The following BMP7 variants were observed in gnomAD, a reference collection of about 807,000 sequenced individuals.
BMP7 encodes osteogenic protein 1.
BMP7 carries 12 observed loss-of-function variants against 41.2 expected under a neutral mutation model. The observed-to-expected ratio is 0.29, with a 90% confidence interval of 0.19 to 0.47. The LOEUF (loss-of-function observed/expected upper bound fraction) is 0.47, where lower values mean the gene tolerates loss of function less well. BMP7 is among the 20% of genes least tolerant of loss of function. The probability of loss-of-function intolerance (pLI) is 0.99; values close to 1 mark genes in which losing one functional copy is unlikely to be tolerated. For synonymous variants in BMP7, 248 were observed against 250.0 expected, an observed-to-expected ratio of 0.99 and a Z score of 0.07; for missense variants, 467 against 606.0, an observed-to-expected ratio of 0.77 and a Z score of 2.41.
At chr20:57,264,040 C>T (rs1335647186) in intron 1 of BMP7, among the ~76,000 whole-genome samples, 1 of 152,194 alleles carries the variant, frequency 6.6e-6, no homozygotes, top group Admixed American at 6.5e-5. Context: ...TAAATCAGGT[C>T]ATATGTTGCT....
intron 1 of BMP7, among the ~76,000 whole-genome samples, chr20:57,245,860 G>A (rs567537487): frequency 1.2e-4 from 18 of 151,276 alleles, no homozygotes; most frequent in Admixed American, 7.2e-4. Flanking sequence ...GGATGGTCTC[G>A]ATCTCCTGAC....
At chr20:57,209,783 A>G (rs1193685670) in intron 2 of BMP7, among the ~76,000 whole-genome samples, 1 of 152,242 alleles carries the variant, frequency 6.6e-6, no homozygotes, top group Non-Finnish European at 1.5e-5. Flanking sequence ...GCAACAATTC[A>G]CTGTGAAGTA....
intron 2 of BMP7, among the ~76,000 whole-genome samples, chr20:57,226,824 C>CTTTTT (rs36113686): frequency 3.2e-5 from 4 of 123,180 alleles, no homozygotes; most frequent in East Asian, 2.3e-4. Context: ...TACTCAAAAA[C>CTTTTT]TTTTTTTTTT....
At chr20:57,247,124 G>C (rs558810940) in intron 1 of BMP7, among the ~76,000 whole-genome samples, 13 of 152,220 alleles carry the variant, frequency 8.5e-5, no homozygotes, top group African/African-American at 2.6e-4. Context: ...CCCCAGCCCA[G>C]GCACAAAGGG....
Position 57,261,503 on chromosome 20 carries a change from C to T in BMP7, c.418+4202G>A, listed in dbSNP as rs570186248. Among the ~76,000 whole-genome samples, 10 of 152,262 alleles carry T rather than the reference C, an allele frequency of 6.6e-5. No homozygotes were observed. Among genetic ancestry groups the T allele is most frequent in the African/African-American group, 2.4e-4 (10 of 41,542 alleles). On this transcript the variant is annotated intron_variant, in intron 1 of 6. Transcript: ENST00000395863. The surrounding 1 kb of genome is among the most constrained non-coding windows in gnomAD (Gnocchi z 4.1). ...AGTTCAAAGCTGGGTCACATACATG[C>T]TTGGGAAAAGTGGAGGAAAATCTTT...
chr20:57,189,252 C>T (rs1020740999), intron 3 of BMP7, among the ~76,000 whole-genome samples: 1 of 152,202 alleles, frequency 6.6e-6, no homozygotes, highest in African/African-American at 2.4e-5. Flanking sequence ...TACCTGATGA[C>T]TGCAAACAGA....
chr20:57,228,289 C>T lies in BMP7; in HGVS notation c.551G>A (p.Arg184His), dbSNP rs973362334. 3.7e-6 allele frequency: 6 copies of T among 1,614,114 alleles called. No homozygotes were observed. The highest frequency in any genetic ancestry group is 2.2e-5 in the East Asian group (1 of 44,882). The change falls in exon 2 of 7, where the codon CGC becomes CAC. Residue 184 changes from arginine to histidine, a missense_variant. Physicochemically the swap from Arg to His is conservative, Grantham distance 29. This residue lies in a region of BMP7 where 407 missense variants were observed against 485.9 expected (regional missense o/e 0.84). Transcript: ENST00000395863. The surrounding 1 kb of genome is among the most constrained non-coding windows in gnomAD (Gnocchi z 4.5). ...FRIYKDYIRE[R>H]FDNETFRISV... Reference sequence around the variant, plus strand: ...GATCCGGAACGTCTCATTGTCGAAGCGTTCCCGGATGTAGTCCTTGTAGAT... The same window carrying T: ...GATCCGGAACGTCTCATTGTCGAAGTGTTCCCGGATGTAGTCCTTGTAGAT...
intron 5 of BMP7, among the ~76,000 whole-genome samples, chr20:57,173,745 C>G (rs1021380313): frequency 1.3e-5 from 2 of 152,146 alleles, no homozygotes; most frequent in African/African-American, 2.4e-5. Flanking sequence ...CAGGAAGGAG[C>G]CTCCGGTGTG....
At chr20:57,191,526 C>T (rs1212364477) in intron 3 of BMP7, among the ~76,000 whole-genome samples, 2 of 151,800 alleles carry the variant, frequency 1.3e-5, no homozygotes, top group Non-Finnish European at 2.9e-5. Context: ...GGAGAAACCC[C>T]GTGTTGTAGA....
At chr20:57,212,303 G>A (rs766034990) in intron 2 of BMP7, among the ~76,000 whole-genome samples, 2 of 152,242 alleles carry the variant, frequency 1.3e-5, no homozygotes, top group Non-Finnish European at 2.9e-5. Flanking sequence ...AACCGAATGC[G>A]GAAGTCATGA....
chr20:57,216,597 G>GCTGTCTCCTGAGGGTGAGGGA (rs377245196), intron 2 of BMP7, among the ~76,000 whole-genome samples: 143 of 148,198 alleles, frequency 9.6e-4, no homozygotes, highest in Middle Eastern at 3.5e-3. Flanking sequence ...AGGGCGAGGG[G>GCTGTCTCCTGAGGGTGAGGGA]CTGTCTCCTG....
chr20:57,191,509 C>T (rs1001490585), intron 3 of BMP7, among the ~76,000 whole-genome samples: 3 of 151,832 alleles, frequency 2.0e-5, no homozygotes, highest in African/African-American at 7.3e-5. Flanking sequence ...ACCAGCCTGG[C>T]CAACATGGAG....
intron 1 of BMP7, among the ~76,000 whole-genome samples, chr20:57,232,486 T>C (rs2066033042): frequency 6.6e-6 from 1 of 152,130 alleles, no homozygotes; most frequent in South Asian, 2.1e-4. Context: ...ACAGGTACAA[T>C]CATTAGAGTC....
intron 3 of BMP7, among the ~76,000 whole-genome samples, chr20:57,197,479 A>G (rs755081162): frequency 6.6e-6 from 1 of 151,864 alleles, no homozygotes; most frequent in Non-Finnish European, 1.5e-5. Context: ...TGGTGAACAC[A>G]TTCCTTGGAA....
rs529406416 is a variant in BMP7, at chr20:57,169,279, C to T, written c.*1680G>A. On this transcript the variant is annotated 3_prime_UTR_variant, in exon 7 of 7. Transcript: ENST00000395863. ...AAACAGTCCCCCACAAGACCGGGTT[C>T]CACATGGCCACAGTTTTCGATCACC... The T allele has an allele frequency of 6.6e-6, 1 of 152,342 alleles. No individual in the cohort carries two copies. The highest frequency in any genetic ancestry group is 2.4e-5 in the African/African-American group (1 of 41,570). The allele number at this position is 152,342 out of a possible 1,614,324, so 9.4% of individuals were successfully genotyped here.
intron 2 of BMP7, among the ~76,000 whole-genome samples, chr20:57,207,125 T>C (rs1984749476): frequency 6.6e-6 from 1 of 152,208 alleles, no homozygotes; most frequent in Non-Finnish European, 1.5e-5. Flanking sequence ...CCAGTGGAAC[T>C]GAGGTCCTGC....
At chr20:57,183,633 A>G (rs1600730096) in intron 4 of BMP7, 89 bp downstream of exon 4, 1 of 1,553,354 alleles carries the variant, frequency 6.4e-7, no homozygotes, top group East Asian at 2.2e-5. Flanking sequence ...GAGCACCTGA[A>G]TGGATTTTGA....
intron 1 of BMP7, among the ~76,000 whole-genome samples, chr20:57,264,407 G>T (rs907701869): frequency 2.6e-5 from 4 of 152,240 alleles, no homozygotes; most frequent in Admixed American, 2.6e-4. Flanking sequence ...AGGAAACAGC[G>T]CTATCGGGGT....
intron 2 of BMP7, among the ~76,000 whole-genome samples, chr20:57,207,699 A>C (rs1356419505): frequency 6.6e-6 from 1 of 152,248 alleles, no homozygotes; most frequent in South Asian, 2.1e-4. Flanking sequence ...GTAGGACTGA[A>C]ACTTCTGGGA....
Sources: allele counts gnomAD v4.1 joint callset (sites outside exome capture counted in the v4.1 genomes callset), GRCh38; gene constraint gnomAD v4.1.1; regional missense constraint gnomAD v4.1.1; non-coding constraint Gnocchi (gnomAD v3.1); transcripts MANE v1.5; gene names NCBI Gene and HGNC (gene_info 2026-07-23, HGNC 2026-07-21).